The following POLR3GL variants were observed in gnomAD, a reference collection of about 807,000 sequenced individuals.
The protein encoded by POLR3GL is RNA polymerase III subunit GL.
A neutral mutation model predicts 32.4 loss-of-function variants in POLR3GL; 26 were observed. That is an observed-to-expected ratio of 0.80 (90% CI 0.59 to 1.11). POLR3GL has a LOEUF of 1.11. Among genes scored for constraint, POLR3GL ranks in the 50% most tolerant of loss-of-function variants. POLR3GL has a pLI of 0.00. For missense variants in POLR3GL, 229 were observed against 280.1 expected, an observed-to-expected ratio of 0.82 and a Z score of 1.30; for synonymous variants, 95 against 98.7, an observed-to-expected ratio of 0.96 and a Z score of 0.22.
At position 145,972,012 on chromosome 1, in the gene POLR3GL, A is replaced by ATATATATATGTG. The variant is rs782186587; in HGVS notation, c.-41-2813_-41-2812insTATATATATGTG. Reference sequence around the variant, plus strand: ...AAAATATATATATATATATATATATACGTGTGTGTGTGTGTGTGTATATAT... The same window carrying ATATATATATGTG: ...AAAATATATATATATATATATATATATATATATATGTGCGTGTGTGTGTGTGTGTGTATATAT... On this transcript the variant is annotated intron_variant, in intron 1 of 7. Transcript: ENST00000369314. 3.8e-3 allele frequency among the ~76,000 whole-genome samples: 432 copies of ATATATATATGTG among 112,422 alleles called. 10 individuals carry two copies. The highest frequency in any genetic ancestry group is 0.016 in the African/African-American group (388 of 24,360). The allele number at this position is 112,422 out of a possible 152,430, so 73.8% of individuals were successfully genotyped here. A position where few individuals can be genotyped will look rare whatever the true frequency, so the allele number is the denominator to read the frequency against.
intron 1 of POLR3GL, among the ~76,000 whole-genome samples, chr1:145,970,526 T>C (rs1400744258): frequency 6.6e-6 from 1 of 152,086 alleles, no homozygotes; most frequent in Non-Finnish European, 1.5e-5. Flanking sequence ...CGGAAAAATT[T>C]AGCAGATAGT....
At chr1:145,975,694 A>G (rs1226622833) in intron 3 of POLR3GL, among the ~76,000 whole-genome samples, 1 of 152,130 alleles carries the variant, frequency 6.6e-6, no homozygotes, top group East Asian at 1.9e-4. Context: ...CTAAAAAATT[A>G]TATATTTTTT....
intron 1 of POLR3GL, among the ~76,000 whole-genome samples, chr1:145,974,286 A>G (rs1650454336): frequency 6.6e-6 from 1 of 152,180 alleles, no homozygotes; most frequent in Non-Finnish European, 1.5e-5. Context: ...AATGCATTGC[A>G]TTGGATTGAA....
chr1:145,976,640 C>T (rs587657450), intron 3 of POLR3GL, among the ~76,000 whole-genome samples: 2 of 145,722 alleles, frequency 1.4e-5, no homozygotes, highest in South Asian at 2.2e-4. Context: ...AGGGGCCGGG[C>T]GCAGTAATTC....
chr1:145,977,465 C>T lies in POLR3GL; in HGVS notation c.326-18C>T. The T allele has an allele frequency of 6.2e-7, 1 of 1,612,858 alleles. No homozygotes were observed. Among genetic ancestry groups the T allele is most frequent in the East Asian group, 2.2e-5 (1 of 44,878 alleles). On this transcript the variant is annotated intron_variant, in intron 4 of 7. Transcript: ENST00000369314. ...CCAGGCAGGGTCCTATTGACATTTA[C>T]GTTCCCACTATTCCCAGATTGGCGG...
At chr1:145,977,025 A>T (rs1436707898) in intron 3 of POLR3GL, 59 bp from the exon 4 acceptor site, 1 of 1,404,860 alleles carries the variant, frequency 7.1e-7, no homozygotes, top group African/African-American at 1.4e-5. Context: ...CTGGACTCTC[A>T]GGAACAGTCC....
chr1:145,972,484 T>TC (rs1553762866), intron 1 of POLR3GL, among the ~76,000 whole-genome samples: 1 of 152,072 alleles, frequency 6.6e-6, no homozygotes, highest in Non-Finnish European at 1.5e-5. Flanking sequence ...TTGTCTTTTT[T>TC]CCCCCATATA....
In POLR3GL at chr1:145,977,588, G is replaced by T. The variant is rs374052925; in HGVS notation, c.382+49G>T. The T allele has an allele frequency of 4.8e-5, 74 of 1,546,906 alleles. No homozygotes were observed. In the African/African-American group the frequency reaches 8.6e-4, roughly 18 times the overall value. On this transcript the variant is annotated intron_variant, in intron 5 of 7. Coordinates refer to ENST00000369314, the MANE Select transcript of POLR3GL (RefSeq NM_032305.3). ...GGGAGAAGAGAGGTTTCCTTCATCA[G>T]CCTGAGGGCCGAGGCTGCTGCTGGT...
chr1:145,965,813 C>T (rs1649993187), intron 1 of POLR3GL, among the ~76,000 whole-genome samples: 1 of 152,086 alleles, frequency 6.6e-6, no homozygotes, highest in Admixed American at 6.5e-5. Context: ...TCCACACTTC[C>T]ACTGTAAAAG....
intron 6 of POLR3GL, 38 bp from the exon 7 acceptor site, chr1:145,977,945 T>G: frequency 1.2e-6 from 2 of 1,613,940 alleles, no homozygotes; most frequent in Non-Finnish European, 1.7e-6. Context: ...TTCTGTGAAC[T>G]GAACCTGAGT....
In POLR3GL at chr1:145,974,903, G is replaced by T; in HGVS notation, c.38G>T (p.Gly13Val). The change falls in exon 2 of 8, where the codon GGC becomes GTC. Residue 13 changes from glycine to valine, a missense_variant. Coordinates refer to ENST00000369314, the MANE Select transcript of POLR3GL (RefSeq NM_032305.3). ...GGTGGGGGCCGGGGTCGTGGCCGGG[G>T]CCAGTTGACCTTCAACGTGGAGGCC... ...SRGGGRGRGR[G>V]QLTFNVEAVG... 2 of 1,523,446 alleles carry T rather than the reference G, an allele frequency of 1.3e-6. No homozygotes were observed. The highest frequency in any genetic ancestry group is 1.7e-6 in the Non-Finnish European group (2 of 1,145,436). 94.4% of individuals were successfully genotyped at this position (1,523,446 alleles called of 1,614,324 possible). A position where few individuals can be genotyped will look rare whatever the true frequency, so the allele number is the denominator to read the frequency against.
At chr1:145,971,977 AAAAAAAAAAAAAATATAT>A (rs1650326060) in intron 1 of POLR3GL, among the ~76,000 whole-genome samples, 1 of 125,802 alleles carries the variant, frequency 7.9e-6, no homozygotes, top group Admixed American at 8.0e-5. Flanking sequence ...AAAAAAAAAA[AAAAAAAAAAAAAATATAT>A]ATATATATAT....
chr1:145,974,761 T>A (rs1479302410), intron 1 of POLR3GL, 64 bp from the exon 2 acceptor site: 1 of 1,118,814 alleles, frequency 8.9e-7, no homozygotes, highest in African/African-American at 1.6e-5. Flanking sequence ...GAATGTCTTG[T>A]ACCTCCTTGG....
chr1:145,966,013 G>A (rs1388961004), intron 1 of POLR3GL, among the ~76,000 whole-genome samples: 3 of 151,632 alleles, frequency 2.0e-5, no homozygotes, highest in African/African-American at 7.3e-5. Context: ...CTACTGGGGA[G>A]GCTGAGGCAG....
chr1:145,975,027 G>T (rs1423308955), intron 2 of POLR3GL, 36 bp downstream of exon 2: 1 of 1,501,842 alleles, frequency 6.7e-7, no homozygotes, highest in Non-Finnish European at 8.9e-7. Context: ...ACTCTCATGT[G>T]CCCCTGGCTG....
chr1:145,969,087 C>T lies in POLR3GL; in HGVS notation c.-42+4319C>T, dbSNP rs115151939. Among the ~76,000 whole-genome samples, 601 of 152,024 alleles carry T rather than the reference C, an allele frequency of 4.0e-3. 4 individuals are homozygous for T. The highest frequency in any genetic ancestry group is 0.012 in the African/African-American group (503 of 41,466). On this transcript the variant is annotated intron_variant, in intron 1 of 7. Transcript: ENST00000369314. ...ATTAATCTCATTTAGTATTCTGTTA[C>T]GACATTTAAATTTTATTTATCTATT...
At chr1:145,971,402 CTT>C (rs142179774) in intron 1 of POLR3GL, among the ~76,000 whole-genome samples, 5,997 of 152,026 alleles carry the variant, frequency 0.039, 384 homozygotes, top group African/African-American at 0.13. Context: ...GTTTCTCAGA[CTT>C]TACTGTTTTT....
rs6658276 is a variant in POLR3GL at position 145,975,186 on chromosome 1, C to T, written c.127-121C>T. 15,707 of 1,374,410 alleles carry T rather than the reference C, an allele frequency of 0.011. 978 individuals carry two copies. In the African/African-American group the frequency reaches 0.16, roughly 14 times the overall value. The allele number at this position is 1,374,410 out of a possible 1,614,324, so 85.1% of individuals were successfully genotyped here. A position where few individuals can be genotyped will look rare whatever the true frequency, so the allele number is the denominator to read the frequency against. ...CCAGCTTTCAAAATAATATGTTACT[C>T]CCTCGATTGTCATTTGGCCCTCTGC... On this transcript the variant is annotated intron_variant, in intron 2 of 7. Transcript: ENST00000369314.
At position 145,972,012 on chromosome 1, in the gene POLR3GL, A is replaced by ATATATATGTG. The variant is rs782186587; in HGVS notation, c.-41-2813_-41-2812insTATATATGTG. Among the ~76,000 whole-genome samples the ATATATATGTG allele has an allele frequency of 5.0e-3, 562 of 112,258 alleles. 9 individuals are homozygous for ATATATATGTG. Among genetic ancestry groups the ATATATATGTG allele is most frequent in the African/African-American group, 0.021 (510 of 24,216 alleles). The allele number at this position is 112,258 out of a possible 152,430, so 73.6% of individuals were successfully genotyped here. A position where few individuals can be genotyped will look rare whatever the true frequency, so the allele number is the denominator to read the frequency against. On this transcript the variant is annotated intron_variant, in intron 1 of 7. Coordinates refer to ENST00000369314, the MANE Select transcript of POLR3GL (RefSeq NM_032305.3). ...AAAATATATATATATATATATATAT[A>ATATATATGTG]CGTGTGTGTGTGTGTGTGTATATAT...
Sources: allele counts gnomAD v4.1 joint callset (sites outside exome capture counted in the v4.1 genomes callset), GRCh38; gene constraint gnomAD v4.1.1; transcripts MANE v1.5; gene names NCBI Gene and HGNC (gene_info 2026-07-23, HGNC 2026-07-21).